The following HERC4 variants were observed in gnomAD, a reference collection of about 807,000 sequenced individuals.
The protein encoded by HERC4 is HECT and RLD domain containing E3 ubiquitin protein ligase 4.
In HERC4, 28 loss-of-function variants were observed where a neutral mutation model predicts 124.3. That is an observed-to-expected ratio of 0.23 (90% CI 0.17 to 0.31). The LOEUF (loss-of-function observed/expected upper bound fraction) is 0.31. HERC4 is among the 10% of genes least tolerant of loss of function. The probability of loss-of-function intolerance (pLI) is 1.00; values close to 1 mark genes in which losing one functional copy is unlikely to be tolerated. For missense variants in HERC4, 713 were observed against 1,229.3 expected, an observed-to-expected ratio of 0.58 and a Z score of 6.28; for synonymous variants, 407 against 421.5, an observed-to-expected ratio of 0.97 and a Z score of 0.42.
chr10:67,941,202 G>A (rs1315518540), intron 19 of HERC4, 97 bp from the exon 20 acceptor site: 2 of 808,608 alleles, frequency 2.5e-6, no homozygotes, highest in Non-Finnish European at 3.6e-6. Context: ...TTTGAAGATA[G>A]AGAAAAAAGT....
At chr10:67,994,928 G>C (rs1172212281) in intron 9 of HERC4, 1 of 183,444 alleles carries the variant, frequency 5.5e-6, no homozygotes, top group Non-Finnish European at 1.1e-5. Flanking sequence ...GACCTCAAGT[G>C]ATCTGCCCAC....
intron 9 of HERC4, among the ~76,000 whole-genome samples, chr10:67,996,986 TCG>T (rs569971415): frequency 2.7e-3 from 412 of 150,714 alleles, no homozygotes; most frequent in African/African-American, 9.7e-3. Flanking sequence ...AGACTCCGTC[TCG>T]AAAAAAAAAA....
chr10:67,928,358 A>C (rs1048782522), intron 23 of HERC4, among the ~76,000 whole-genome samples: 10 of 152,148 alleles, frequency 6.6e-5, no homozygotes, highest in African/African-American at 2.2e-4. Flanking sequence ...AGATCAATTT[A>C]CTACTACACA....
At chr10:68,047,620 C>T (rs748292294) in intron 3 of HERC4, among the ~76,000 whole-genome samples, 1 of 152,180 alleles carries the variant, frequency 6.6e-6, no homozygotes, top group Non-Finnish European at 1.5e-5. Context: ...GGCATACAAA[C>T]AGATATTTAA....
At chr10:68,016,113 G>A (rs555949564) in intron 8 of HERC4, among the ~76,000 whole-genome samples, 21 of 151,986 alleles carry the variant, frequency 1.4e-4, no homozygotes, top group South Asian at 4.2e-4. Context: ...AAAAATATAT[G>A]TATATATGTG....
intron 9 of HERC4, among the ~76,000 whole-genome samples, chr10:68,005,743 G>A (rs1369911824): frequency 1.3e-5 from 2 of 150,874 alleles, no homozygotes; most frequent in African/African-American, 4.9e-5. Context: ...TTGCTCTACT[G>A]CCCACACTGA....
intron 15 of HERC4, among the ~76,000 whole-genome samples, chr10:67,986,730 T>C (rs537006024): frequency 1.4e-4 from 22 of 152,266 alleles, no homozygotes; most frequent in African/African-American, 5.1e-4. Context: ...TATAGATAAT[T>C]CTTCATTTGC....
At chr10:68,030,678 AT>A (rs1251682312) in intron 7 of HERC4, among the ~76,000 whole-genome samples, 5 of 152,206 alleles carry the variant, frequency 3.3e-5, no homozygotes, top group African/African-American at 1.2e-4. Context: ...GTCTTTTGCC[AT>A]TAAAAGGTCA....
chr10:68,011,943 C>T (rs183639181), intron 9 of HERC4, among the ~76,000 whole-genome samples: 5 of 152,364 alleles, frequency 3.3e-5, no homozygotes, highest in East Asian at 1.9e-4. Flanking sequence ...TACCCACCTT[C>T]GTCAATTACC....
rs534192217 is a variant in HERC4 at position 67,931,754 on chromosome 10, A to G, written c.2838+843T>C. 2.7e-3 allele frequency among the ~76,000 whole-genome samples: 413 copies of G among 151,972 alleles called. 1 individual carries two copies. The highest frequency in any genetic ancestry group is 9.6e-3 in the African/African-American group (399 of 41,446). ...TAGGGCTTCTATCTAGCTGTGTCAC[A>G]GATGACATTTTTGTTTTCTTTTGAG... is the stretch of plus-strand genomic sequence containing the variant. On this transcript the variant is annotated intron_variant, in intron 23 of 24. Transcript: ENST00000373700.
chr10:68,073,408 G>A (rs570018190), intron 2 of HERC4, among the ~76,000 whole-genome samples: 1 of 152,142 alleles, frequency 6.6e-6, no homozygotes, highest in East Asian at 1.9e-4. Flanking sequence ...ATGATCCTTT[G>A]CAAAATTTAA....
chr10:67,949,139 C>A (rs184721588), intron 19 of HERC4, among the ~76,000 whole-genome samples: 1 of 151,426 alleles, frequency 6.6e-6, no homozygotes, highest in Admixed American at 6.6e-5. Context: ...AAAAACTAAG[C>A]CAGGCATGGT....
At chr10:68,018,280 CATAAATCATTTCA>C (rs1397227251) in intron 8 of HERC4, among the ~76,000 whole-genome samples, 1 of 150,208 alleles carries the variant, frequency 6.7e-6, no homozygotes, top group East Asian at 2.0e-4. Flanking sequence ...AAAAAAAAAT[CATAAATCATTTCA>C]ATAAATACAG....
chr10:67,972,596 A>G (rs2035317010), intron 15 of HERC4, among the ~76,000 whole-genome samples: 1 of 150,022 alleles, frequency 6.7e-6, no homozygotes, highest in South Asian at 2.1e-4. Flanking sequence ...GAAAATAAAA[A>G]TTTTAAAAAT....
intron 4 of HERC4, among the ~76,000 whole-genome samples, chr10:68,043,814 T>C (rs1343379644): frequency 6.6e-6 from 1 of 152,108 alleles, no homozygotes; most frequent in Non-Finnish European, 1.5e-5. Flanking sequence ...AGACTCTGTC[T>C]CAAAAACAAA....
intron 15 of HERC4, among the ~76,000 whole-genome samples, chr10:67,970,854 A>T (rs563280311): frequency 6.6e-6 from 1 of 152,152 alleles, no homozygotes; most frequent in Non-Finnish European, 1.5e-5. Context: ...CTGCTTTAAG[A>T]ATCTAGAAAA....
At chr10:68,038,838 CT>C (rs1564579469) in intron 4 of HERC4, among the ~76,000 whole-genome samples, 1 of 152,120 alleles carries the variant, frequency 6.6e-6, no homozygotes, top group Non-Finnish European at 1.5e-5. Flanking sequence ...TCCTTCCCCC[CT>C]TTCCTGAGTT....
Position 67,922,925 on chromosome 10 carries a change from C to T in HERC4, c.*6G>A, listed in dbSNP as rs2030378943. 6.3e-7 allele frequency: 1 copy of T among 1,581,016 alleles called. No individual in the cohort carries two copies. The highest frequency in any genetic ancestry group is 2.2e-5 in the East Asian group (1 of 44,642). ...TGCACTAAACTGAATAGTTATAACT[C>T]CAAAGTTATATTAAACTGAAGCCTT... On this transcript the variant is annotated 3_prime_UTR_variant, in exon 25 of 25. Transcript: ENST00000373700.
At chr10:67,983,580 C>T (rs2036068150) in intron 15 of HERC4, among the ~76,000 whole-genome samples, 1 of 151,856 alleles carries the variant, frequency 6.6e-6, no homozygotes, top group Non-Finnish European at 1.5e-5. Flanking sequence ...GAGATAGAGA[C>T]CATCCTGGCT....
Sources: gnomAD v4.1 joint callset for allele counts (sites outside exome capture counted in the v4.1 genomes callset) on GRCh38, gnomAD v4.1.1 for gene constraint, MANE v1.5 for transcripts, NCBI Gene and HGNC (gene_info 2026-07-23, HGNC 2026-07-21) for gene names.